SPAG16: variants seen among roughly 807,000 people sequenced by gnomAD.
The protein encoded by SPAG16 is sperm-associated antigen 16 protein.
SPAG16 carries 86 observed loss-of-function variants against 80.4 expected under a neutral mutation model. That is an observed-to-expected ratio of 1.07 (90% CI 0.90 to 1.28). The LOEUF is 1.28. Among genes scored for constraint, SPAG16 ranks in the 50% most tolerant of loss-of-function variants. The probability of loss-of-function intolerance (pLI) is 0.00; values close to 1 mark genes in which losing one functional copy is unlikely to be tolerated. For synonymous variants in SPAG16, 294 were observed against 265.9 expected (o/e 1.11, Z -1.03); for missense variants, 870 against 765.3 (o/e 1.14, Z -1.61).
chr2:214,258,471 G>GTATATATATA (rs146532641), intron 15 of SPAG16, among the ~76,000 whole-genome samples: 3,672 of 141,320 alleles, frequency 0.026, 67 homozygotes, highest in East Asian at 0.039. Context: ...ATGTGTGTGT[G>GTATATATATA]TATATATATA....
chr2:214,364,454 A>G (rs1441349077), intron 15 of SPAG16, among the ~76,000 whole-genome samples: 1 of 152,064 alleles, frequency 6.6e-6, no homozygotes, highest in Non-Finnish European at 1.5e-5. Flanking sequence ...TTTACCTTTT[A>G]TGTTATATTT....
At chr2:214,352,558 C>CTGTGTGTGTG (rs761835945) in intron 15 of SPAG16, among the ~76,000 whole-genome samples, 2 of 142,464 alleles carry the variant, frequency 1.4e-5, no homozygotes, top group Non-Finnish European at 3.0e-5. Context: ...CTTTTTTTCT[C>CTGTGTGTGTG]TGTGTGTGTG....
At chr2:214,266,094 G>T (rs2125882601) in intron 15 of SPAG16, among the ~76,000 whole-genome samples, 1 of 152,002 alleles carries the variant, frequency 6.6e-6, no homozygotes, top group Non-Finnish European at 1.5e-5. Context: ...AACAAGAAAT[G>T]CATTTAACAA....
At chr2:213,640,017 T>C (rs1460427070) in intron 10 of SPAG16, among the ~76,000 whole-genome samples, 1 of 152,192 alleles carries the variant, frequency 6.6e-6, no homozygotes, top group African/African-American at 2.4e-5. Context: ...CTTTTACTTT[T>C]TCTAGTTTAT....
chr2:213,566,770 C>G (rs1482877511), intron 10 of SPAG16, among the ~76,000 whole-genome samples: 1 of 152,120 alleles, frequency 6.6e-6, no homozygotes, highest in South Asian at 2.1e-4. Context: ...AGAAAACTGC[C>G]CTTTCCCAGA....
intron 15 of SPAG16, among the ~76,000 whole-genome samples, chr2:214,285,036 T>C (rs1693250634): frequency 6.6e-6 from 1 of 152,188 alleles, no homozygotes; most frequent in Non-Finnish European, 1.5e-5. Flanking sequence ...TTTTATTTTT[T>C]TGAGGAACCT....
intron 10 of SPAG16, among the ~76,000 whole-genome samples, chr2:213,641,388 G>C (rs1342466322): frequency 6.6e-6 from 1 of 152,186 alleles, no homozygotes; most frequent in East Asian, 1.9e-4. Flanking sequence ...TTTAGGCTTT[G>C]CCCTTCCCTG....
At chr2:214,006,436 T>C (rs2047028573) in intron 12 of SPAG16, among the ~76,000 whole-genome samples, 1 of 152,052 alleles carries the variant, frequency 6.6e-6, no homozygotes, top group South Asian at 2.1e-4. Flanking sequence ...AAGTTGAAAG[T>C]TTAGAGAAAT....
chr2:213,879,957 G>T (rs756951295), intron 11 of SPAG16, among the ~76,000 whole-genome samples: 44 of 152,110 alleles, frequency 2.9e-4, no homozygotes, highest in Non-Finnish European at 5.1e-4. Flanking sequence ...GAGTGCATCT[G>T]TCTTTTTGGT....
At chr2:213,410,235 A>T (rs1011287878) in intron 9 of SPAG16, among the ~76,000 whole-genome samples, 1 of 152,226 alleles carries the variant, frequency 6.6e-6, no homozygotes, top group Admixed American at 6.5e-5. Flanking sequence ...TCTTTCCTCT[A>T]TCTGTTGCTG....
intron 10 of SPAG16, among the ~76,000 whole-genome samples, chr2:213,589,921 C>CAAA (rs35341781): frequency 1.4e-5 from 2 of 138,744 alleles, no homozygotes; most frequent in African/African-American, 2.7e-5. Flanking sequence ...AACTCCATCT[C>CAAA]AAAAAAAAAA....
intron 15 of SPAG16, among the ~76,000 whole-genome samples, chr2:214,295,935 C>T (rs1187202728): frequency 6.6e-6 from 1 of 151,984 alleles, no homozygotes; most frequent in African/African-American, 2.4e-5. Context: ...GATATATGTG[C>T]ATGTTTGTTA....
At chr2:213,785,905 G>A (rs2070310726) in intron 10 of SPAG16, among the ~76,000 whole-genome samples, 1 of 151,888 alleles carries the variant, frequency 6.6e-6, no homozygotes, top group South Asian at 2.1e-4. Context: ...TACTTGGGAG[G>A]CTGAGGTAGG....
intron 1 of SPAG16, among the ~76,000 whole-genome samples, chr2:213,287,456 G>C (rs1461467876): frequency 6.6e-6 from 1 of 152,180 alleles, no homozygotes; most frequent in African/African-American, 2.4e-5. Context: ...GTTGTTCCTT[G>C]TCTAAAGAGA....
chr2:213,434,842 C>G (rs2070530719), intron 9 of SPAG16, among the ~76,000 whole-genome samples: 2 of 152,096 alleles, frequency 1.3e-5, no homozygotes, highest in South Asian at 4.1e-4. Flanking sequence ...AGTGAAGAAA[C>G]ATTTAGACAC....
chr2:213,378,694 G>C (rs2067014869), intron 9 of SPAG16, among the ~76,000 whole-genome samples: 1 of 152,210 alleles, frequency 6.6e-6, no homozygotes, highest in Non-Finnish European at 1.5e-5. Flanking sequence ...AGCTGGTATT[G>C]ATTACTACCT....
intron 15 of SPAG16, among the ~76,000 whole-genome samples, chr2:214,356,775 T>C (rs997228235): frequency 6.6e-6 from 1 of 151,986 alleles, no homozygotes; most frequent in Non-Finnish European, 1.5e-5. Flanking sequence ...ATATTTTAGT[T>C]CTATCTTATT....
intron 10 of SPAG16, among the ~76,000 whole-genome samples, chr2:213,514,927 T>A (rs2075366185): frequency 6.6e-6 from 1 of 152,148 alleles, no homozygotes; most frequent in Non-Finnish European, 1.5e-5. Flanking sequence ...TAATCACAGA[T>A]GCTCTTCTAA....
chr2:213,323,534 G>T (rs1187982973), intron 5 of SPAG16, among the ~76,000 whole-genome samples: 1 of 152,184 alleles, frequency 6.6e-6, no homozygotes, highest in Non-Finnish European at 1.5e-5. Flanking sequence ...AATGCAAGTG[G>T]TGCAGCCACC....
Sources: gnomAD v4.1 joint callset for allele counts (sites outside exome capture counted in the v4.1 genomes callset) on GRCh38, gnomAD v4.1.1 for gene constraint, MANE v1.5 for transcripts, NCBI Gene and HGNC (gene_info 2026-07-23, HGNC 2026-07-21) for gene names.